Variants in PRR5 observed in about 807,000 individuals in gnomAD.
PRR5 encodes proline-rich protein 5.
In PRR5, 25 loss-of-function variants were observed where a neutral mutation model predicts 30.6. That is an observed-to-expected ratio of 0.82 (90% CI 0.60 to 1.14). PRR5 has a LOEUF of 1.14. Among genes scored for constraint, PRR5 ranks in the 50% most tolerant of loss-of-function variants. The pLI, the probability that PRR5 is intolerant of heterozygous loss-of-function variation, is 0.00. For synonymous variants in PRR5, 286 were observed against 247.1 expected (o/e 1.16, Z -1.48); for missense variants, 600 against 547.1 (o/e 1.10, Z -0.96).
At chr22:44,692,424 C>T (rs1925345138) in intron 1 of PRR5, among the ~76,000 whole-genome samples, 1 of 143,884 alleles carries the variant, frequency 7.0e-6, no homozygotes, top group East Asian at 2.1e-4. Flanking sequence ...CCTCCTCCTC[C>T]CGGGGGCTCC....
In PRR5 at chr22:44,737,629, G is replaced by A; in HGVS notation, c.*382G>A. 9.6e-6 allele frequency: 2 copies of A among 209,282 alleles called. No individual in the cohort carries two copies. Among genetic ancestry groups the A allele is most frequent in the Non-Finnish European group, 1.9e-5 (2 of 103,392 alleles). The allele number at this position is 209,282 out of a possible 1,614,324, so 13.0% of individuals were successfully genotyped here. A position where few individuals can be genotyped will look rare whatever the true frequency, so the allele number is the denominator to read the frequency against. ...GACTCCAGCACACCTGTCTCCTCCT[G>A]CCTGGGGTGGCCATGGGGATGGAAG... On this transcript the variant is annotated 3_prime_UTR_variant, in exon 8 of 8. Transcript: ENST00000336985.
At chr22:44,732,018 T>G (rs972924452) in intron 5 of PRR5, among the ~76,000 whole-genome samples, 197 bp downstream of exon 5, 14 of 152,194 alleles carry the variant, frequency 9.2e-5, no homozygotes, top group Admixed American at 9.2e-4. Context: ...TCCCTCCCTG[T>G]GAATCCCCCA....
chr22:44,730,204 C>T (rs1885482386), intron 4 of PRR5: 1 of 985,262 alleles, frequency 1.0e-6, no homozygotes, highest in African/African-American at 1.7e-5. Flanking sequence ...AGGCAAAGGT[C>T]CCTGTTCAGC....
chr22:44,709,345 G>C (rs1476729772), intron 1 of PRR5, among the ~76,000 whole-genome samples: 2 of 152,200 alleles, frequency 1.3e-5, no homozygotes, highest in Non-Finnish European at 2.9e-5. Context: ...GTGAGGGAGA[G>C]GCGGGGGTAA....
At chr22:44,732,773 CTG>C (rs749336579) in intron 6 of PRR5, among the ~76,000 whole-genome samples, 6 of 107,586 alleles carry the variant, frequency 5.6e-5, no homozygotes, top group Non-Finnish European at 9.0e-5. Flanking sequence ...ACACACATGC[CTG>C]TGTGCACGCA....
Position 44,735,014 on chromosome 22 carries a change from C to T in PRR5, c.556-13C>T. On this transcript the variant is annotated splice_polypyrimidine_tract_variant and intron_variant, in intron 6 of 7. Transcript: ENST00000336985. Reference sequence around the variant, plus strand: ...GTGCATGACCCCCTACCCCCTGCCCCACTCTCCTGCAGGGGGTACATGAGT... The same window carrying T: ...GTGCATGACCCCCTACCCCCTGCCCTACTCTCCTGCAGGGGGTACATGAGT... 2 of 1,610,098 alleles carry T rather than the reference C, an allele frequency of 1.2e-6. No homozygotes were observed. The highest frequency in any genetic ancestry group is 1.7e-6 in the Non-Finnish European group (2 of 1,177,802).
At chr22:44,728,314 A>T (rs1921241011) in intron 4 of PRR5, among the ~76,000 whole-genome samples, 1 of 152,104 alleles carries the variant, frequency 6.6e-6, no homozygotes, top group African/African-American at 2.4e-5. Context: ...CAGCCTCAGC[A>T]CCCCTGTCTT....
chr22:44,676,390 C>CAAAAAAAAAAAAAAAAAAA (rs59016907), upstream of PRR5, among the ~76,000 whole-genome samples: 1 of 37,066 alleles, frequency 2.7e-5, no homozygotes, highest in Non-Finnish European at 6.0e-5. Context: ...GACCCTGTCT[C>CAAAAAAAAAAAAAAAAAAA]AAAAAAAAAA....
At chr22:44,707,564 A>G (rs1927427370) in intron 1 of PRR5, among the ~76,000 whole-genome samples, 1 of 152,056 alleles carries the variant, frequency 6.6e-6, no homozygotes, top group Non-Finnish European at 1.5e-5. Flanking sequence ...TGCCTCCCCC[A>G]GCCCCATAGG....
intron 4 of PRR5, 64 bp downstream of exon 4, chr22:44,726,698 C>T: frequency 6.2e-7 from 1 of 1,611,306 alleles, no homozygotes; most frequent in Non-Finnish European, 8.5e-7. Context: ...TGCTGGACTG[C>T]TGGGCCTCGT....
chr22:44,732,133 G>A, intron 5 of PRR5, 118 bp from the exon 6 acceptor site: 7 of 1,497,156 alleles, frequency 4.7e-6, no homozygotes, highest in Non-Finnish European at 6.3e-6. Context: ...AGGAGAACGG[G>A]GTGGAGGGGC....
At chr22:44,736,060 A>T (rs926551272) in intron 7 of PRR5, among the ~76,000 whole-genome samples, 3 of 152,278 alleles carry the variant, frequency 2.0e-5, no homozygotes, top group African/African-American at 7.2e-5. Flanking sequence ...AGGGTCCTGC[A>T]TGGGAACCTG....
chr22:44,683,183 G>A (rs948601166), intron 1 of PRR5, among the ~76,000 whole-genome samples: 2 of 152,224 alleles, frequency 1.3e-5, no homozygotes, highest in African/African-American at 4.8e-5. Flanking sequence ...TGCTCAGGCT[G>A]CCTGCAAGAA....
At chr22:44,734,925 G>C (rs1922916498) in intron 6 of PRR5, 102 bp from the exon 7 acceptor site, 5 of 1,423,928 alleles carry the variant, frequency 3.5e-6, no homozygotes, top group South Asian at 1.3e-5. Context: ...GGAGGCGGGA[G>C]GCAGAGGACA....
At chr22:44,708,798 C>T (rs1345997623) in intron 1 of PRR5, among the ~76,000 whole-genome samples, 2 of 151,852 alleles carry the variant, frequency 1.3e-5, no homozygotes, top group East Asian at 3.9e-4. Context: ...GAAACCCCGT[C>T]TCTACTAAAA....
intron 6 of PRR5, among the ~76,000 whole-genome samples, chr22:44,732,730 C>T (rs989909980): frequency 6.7e-6 from 1 of 150,152 alleles, no homozygotes; most frequent in African/African-American, 2.5e-5. Flanking sequence ...CGTGCACATG[C>T]ATACACACCA....
Position 44,702,298 on chromosome 22 carries a change from C to T in PRR5, c.-177C>T. ...GATTAACCCGGCGGGGCGGCCGGCG[C>T]GGGACCCGAGACGGAGGCGCGGGGC... On this transcript the variant is annotated 5_prime_UTR_variant, in exon 1 of 8. Transcript: ENST00000336985. 5 of 1,148,296 alleles carry T rather than the reference C, an allele frequency of 4.4e-6. No individual in the cohort carries two copies. Among genetic ancestry groups the T allele is most frequent in the Non-Finnish European group, 5.4e-6 (5 of 929,914 alleles). The allele number at this position is 1,148,296 out of a possible 1,614,324, so 71.1% of individuals were successfully genotyped here.
intron 1 of PRR5, among the ~76,000 whole-genome samples, chr22:44,685,641 A>C (rs1297418917): frequency 7.5e-6 from 1 of 134,192 alleles, no homozygotes; most frequent in African/African-American, 2.7e-5. Flanking sequence ...GAAAGCCACA[A>C]GCTCTCCCCA....
chr22:44,707,507 G>T (rs1203546419), intron 1 of PRR5, among the ~76,000 whole-genome samples: 1 of 152,194 alleles, frequency 6.6e-6, no homozygotes, highest in Non-Finnish European at 1.5e-5. Context: ...CCTAGGCCTG[G>T]CCCCAGCCTC....
Sources: allele counts gnomAD v4.1 joint callset (sites outside exome capture counted in the v4.1 genomes callset), GRCh38; gene constraint gnomAD v4.1.1; transcripts MANE v1.5; gene names NCBI Gene and HGNC (gene_info 2026-07-23, HGNC 2026-07-21).